Variants in MAU2 observed in about 807,000 individuals in gnomAD.
MAU2 encodes the protein MAU2 sister chromatid cohesion factor.
In MAU2, 9 loss-of-function variants were observed where a neutral mutation model predicts 89.1. That is an observed-to-expected ratio of 0.10 (90% CI 0.06 to 0.18). The LOEUF (loss-of-function observed/expected upper bound fraction) is 0.18, where lower values mean the gene tolerates loss of function less well. Ranked by LOEUF, MAU2 falls within the 10% of genes least tolerant of loss-of-function variation. The pLI, the probability that MAU2 is intolerant of heterozygous loss-of-function variation, is 1.00. For synonymous variants in MAU2, 357 were observed against 343.4 expected (o/e 1.04, Z -0.44); for missense variants, 425 against 803.5 (o/e 0.53, Z 5.69).
At chr19:19,321,878 C>T (rs1023852004) in intron 1 of MAU2, 2 of 152,196 alleles carry the variant, frequency 1.3e-5, no homozygotes, top group Non-Finnish European at 2.9e-5. Context: ...CTTCTACCAT[C>T]CATCAGTCCA....
intron 13 of MAU2, 79 bp from the exon 14 acceptor site, chr19:19,348,810 C>G: frequency 6.8e-7 from 1 of 1,468,366 alleles, no homozygotes; most frequent in Non-Finnish European, 9.5e-7. Flanking sequence ...TAGAGAAATT[C>G]CCATGCACTG....
chr19:19,336,080 C>G (rs778075597), intron 2 of MAU2, 42 bp from the exon 3 acceptor site: 1 of 1,515,718 alleles, frequency 6.6e-7, no homozygotes, highest in Non-Finnish European at 9.2e-7. Context: ...TCAAACCGAC[C>G]TTTTTCGCAG....
chr19:19,341,232 C>G lies in MAU2; in HGVS notation c.580-20C>G. On this transcript the variant is annotated intron_variant, in intron 6 of 18. Coordinates refer to ENST00000262815, the MANE Select transcript of MAU2 (RefSeq NM_015329.4). ...CCCCTGCAAGCCCTGTACCCTACAC[C>G]TGCGCCTCTCCCTCCCCAGCTGCTG... The G allele has an allele frequency of 6.2e-7, 1 of 1,606,750 alleles. No homozygotes were observed. Among genetic ancestry groups the G allele is most frequent in the Non-Finnish European group, 8.5e-7 (1 of 1,179,124 alleles).
At position 19,342,675 on chromosome 19, in the gene MAU2, C is replaced by G. The variant is rs755185433; in HGVS notation, c.876C>G (p.Val292=). The part of the protein sequence containing the change: ...WLPKEHMCVL[V]YLVTVMHSMQ... Reference sequence around the variant, plus strand: ...CCAAGGAGCACATGTGTGTGCTTGTCTACCTGGTGCGTCCCCACCAGGGCC... The same window carrying G: ...CCAAGGAGCACATGTGTGTGCTTGTGTACCTGGTGCGTCCCCACCAGGGCC... Residue 292 remains valine (V), a synonymous_variant, in exon 8 of 19, where the codon GTC becomes GTG. Transcript: ENST00000262815. 1.3e-5 allele frequency: 21 copies of G among 1,613,138 alleles called. No homozygotes were observed. The highest frequency in any genetic ancestry group is 8.5e-7 in the Non-Finnish European group (1 of 1,179,566).
chr19:19,334,513 G>A, intron 1 of MAU2: 2 of 985,910 alleles, frequency 2.0e-6, no homozygotes, highest in Non-Finnish European at 2.4e-6. Context: ...CCCCAGCCGT[G>A]GATCTCCAGG....
intron 12 of MAU2, chr19:19,346,758 C>T (rs1369035948): frequency 1.9e-5 from 3 of 154,798 alleles, no homozygotes; most frequent in African/African-American, 7.2e-5. Context: ...GACCATGGCC[C>T]ATCCACCACC....
Position 19,338,948 on chromosome 19 carries a change from C to A in MAU2, c.551+9C>A, listed in dbSNP as rs760981254. The A allele has an allele frequency of 3.7e-6, 6 of 1,605,420 alleles. No individual in the cohort carries two copies. The highest frequency in any genetic ancestry group is 2.2e-5 in the South Asian group (2 of 89,700). On this transcript the variant is annotated intron_variant, in intron 5 of 18. Transcript: ENST00000262815. ...GGATCTGAATACACACGGTAGGCACCCACTCCCCTCCTTCCCTCCTGCTCT... is the reference window on the plus strand; with the variant it reads ...GGATCTGAATACACACGGTAGGCACACACTCCCCTCCTTCCCTCCTGCTCT...
In MAU2 at chr19:19,345,600, G is replaced by A. The variant is rs889964601; in HGVS notation, c.1221+231G>A. Among the ~76,000 whole-genome samples the A allele has an allele frequency of 1.2e-4, 18 of 152,216 alleles. No homozygotes were observed. Among genetic ancestry groups the A allele is most frequent in the African/African-American group, 3.6e-4 (15 of 41,454 alleles). The stretch of plus-strand genomic sequence containing the variant: ...TTCCTGAGCTGACCCAAGGGCAGAC[G>A]TGAGGGAGAGGTGCGACGCGTCCGG... On this transcript the variant is annotated intron_variant, in intron 12 of 18. Coordinates refer to ENST00000262815, the MANE Select transcript of MAU2 (RefSeq NM_015329.4). This position sits in a 1 kb window ranked among gnomAD's most constrained non-coding sequence, Gnocchi z 4.9.
chr19:19,329,932 G>A (rs2061541575), intron 1 of MAU2, among the ~76,000 whole-genome samples: 1 of 151,682 alleles, frequency 6.6e-6, no homozygotes, highest in Non-Finnish European at 1.5e-5. Context: ...TTCCGGCCTG[G>A]GTGACAAAAA....
intron 2 of MAU2, 52 bp downstream of exon 2, chr19:19,335,787 A>T: frequency 6.3e-7 from 1 of 1,594,036 alleles, no homozygotes; most frequent in Non-Finnish European, 8.6e-7. Context: ...CCACTTAAAT[A>T]AAAAGAATGT....
chr19:19,342,192 C>A (rs924783819), intron 7 of MAU2, among the ~76,000 whole-genome samples: 1 of 152,154 alleles, frequency 6.6e-6, no homozygotes, highest in Non-Finnish European at 1.5e-5. Flanking sequence ...CTCCCACCCC[C>A]TCAGAGCACA....
chr19:19,326,697 TATATGTATATATATATATATATAC>T (rs1568648546), intron 1 of MAU2, among the ~76,000 whole-genome samples: 1 of 105,408 alleles, frequency 9.5e-6, no homozygotes, highest in East Asian at 2.8e-4. Context: ...AAAAAATATA[TATATGTATATATATATATATATAC>T]ATATATATAT....
chr19:19,348,282 G>A (rs1192989758), intron 13 of MAU2: 2 of 166,680 alleles, frequency 1.2e-5, no homozygotes, highest in African/African-American at 4.8e-5. Context: ...AGGATTGCTT[G>A]AGCTAGGGAG....
At chr19:19,349,257 T>C in intron 15 of MAU2, 25 bp downstream of exon 15, 1 of 1,614,060 alleles carries the variant, frequency 6.2e-7, no homozygotes, top group Non-Finnish European at 8.5e-7. Flanking sequence ...GAGGGTGGCG[T>C]GAGGGCCATG....
intron 16 of MAU2, chr19:19,353,253 G>C (rs2061759450): frequency 6.6e-6 from 1 of 152,266 alleles, no homozygotes; most frequent in Non-Finnish European, 1.5e-5. Context: ...CTACCCAGGA[G>C]CGCTGAAGGA....
chr19:19,344,676 G>A (rs2146694089), intron 10 of MAU2, 173 bp from the exon 11 acceptor site: 1 of 615,396 alleles, frequency 1.6e-6, no homozygotes, highest in East Asian at 2.7e-5. Context: ...TGTCCACGAT[G>A]GGATCTGGGC....
At chr19:19,342,472 G>T in intron 7 of MAU2, 63 bp from the exon 8 acceptor site, 1 of 1,502,316 alleles carries the variant, frequency 6.7e-7, no homozygotes, top group East Asian at 2.3e-5. Context: ...GGGGTGGCTG[G>T]GCTGGGCCTG....
chr19:19,321,890 C>T (rs755786220), intron 1 of MAU2: 5 of 152,310 alleles, frequency 3.3e-5, no homozygotes, highest in South Asian at 4.1e-4. Flanking sequence ...ATCAGTCCAT[C>T]CTCTTCCGTC....
At chr19:19,343,377 G>A (rs1325988513) in intron 9 of MAU2, among the ~76,000 whole-genome samples, 1 of 152,232 alleles carries the variant, frequency 6.6e-6, no homozygotes, top group African/African-American at 2.4e-5. Flanking sequence ...AGGCATCAGA[G>A]CCAAGGCAGC....
Sources: gnomAD v4.1 joint callset for allele counts (sites outside exome capture counted in the v4.1 genomes callset) on GRCh38, gnomAD v4.1.1 for gene constraint, Gnocchi (gnomAD v3.1) non-coding constraint, MANE v1.5 for transcripts, NCBI Gene and HGNC (gene_info 2026-07-23, HGNC 2026-07-21) for gene names.